The following UBTF variants were observed in gnomAD, a reference collection of about 807,000 sequenced individuals.
The protein encoded by UBTF is nucleolar transcription factor 1.
UBTF carries 8 observed loss-of-function variants against 112.3 expected under a neutral mutation model. That is an observed-to-expected ratio of 0.07 (90% CI 0.04 to 0.13). The LOEUF (loss-of-function observed/expected upper bound fraction) is 0.13, where lower values mean the gene tolerates loss of function less well. Ranked by LOEUF, UBTF falls within the 10% of genes least tolerant of loss-of-function variation. The pLI, the probability that UBTF is intolerant of heterozygous loss-of-function variation, is 1.00. For synonymous variants in UBTF, 417 were observed against 373.1 expected (o/e 1.12, Z -1.36); for missense variants, 457 against 982.1 (o/e 0.47, Z 7.15).
Position 44,218,427 on chromosome 17 carries a change from G to C in UBTF, c.-67-131C>G, listed in dbSNP as rs544541235. 44 of 571,580 alleles carry C rather than the reference G, an allele frequency of 7.7e-5. No homozygotes were observed. In the South Asian group the frequency reaches 8.7e-4, roughly 11 times the overall value. 35.4% of individuals were successfully genotyped at this position (571,580 alleles called of 1,614,324 possible). A position where few individuals can be genotyped will look rare whatever the true frequency, so the allele number is the denominator to read the frequency against. ...TCAGCCATGACCTTATTAGACTTAA[G>C]GGGTCTATGGGAATGGGAGTGCGCC... On this transcript the variant is annotated intron_variant, in intron 1 of 20. Coordinates refer to ENST00000436088, the MANE Select transcript of UBTF (RefSeq NM_014233.4).
chr17:44,218,442 G>T, intron 1 of UBTF, 146 bp from the exon 2 acceptor site: 1 of 544,454 alleles, frequency 1.8e-6, no homozygotes, highest in Non-Finnish European at 3.2e-6. Context: ...CTATGGGAAT[G>T]GGAGTGCGCC....
Position 44,207,143 on chromosome 17 carries a change from A to C in UBTF, c.*99T>G. 11 of 1,238,118 alleles carry C rather than the reference A, an allele frequency of 8.9e-6. No individual in the cohort carries two copies. The highest frequency in any genetic ancestry group is 2.4e-5 in the East Asian group (1 of 41,336). The allele number at this position is 1,238,118 out of a possible 1,614,324, so 76.7% of individuals were successfully genotyped here. On this transcript the variant is annotated 3_prime_UTR_variant, in exon 21 of 21. Coordinates refer to ENST00000436088, the MANE Select transcript of UBTF (RefSeq NM_014233.4). The stretch of plus-strand genomic sequence containing the variant: ...AGAAAGAAAGAAAGTGGGGGAGGCC[A>C]GGGGGGCAAGGGACAGAACATGGGG...
At chr17:44,219,173 CCCGCCGCCCCCT>C (rs2047030166) in intron 1 of UBTF, 1 of 150,878 alleles carries the variant, frequency 6.6e-6, no homozygotes, top group African/African-American at 2.4e-5. Flanking sequence ...GCTCACCGGC[CCCGCCGCCCCCT>C]CCGGCGGCCG....
chr17:44,210,770 G>T, intron 13 of UBTF, 22 bp downstream of exon 13: 1 of 1,554,784 alleles, frequency 6.4e-7, no homozygotes, highest in South Asian at 1.2e-5. Flanking sequence ...TGGGGGCACA[G>T]CGCTCCGCCA....
intron 15 of UBTF, 65 bp from the exon 16 acceptor site, chr17:44,209,798 C>A: frequency 1.9e-6 from 3 of 1,538,528 alleles, no homozygotes; most frequent in Non-Finnish European, 2.7e-6. Context: ...CCTTCTGCCT[C>A]ATGCCATCAG....
chr17:44,220,766 G>T (rs1336068856), upstream of UBTF: 1 of 151,898 alleles, frequency 6.6e-6, no homozygotes, highest in East Asian at 1.9e-4. Flanking sequence ...AGCGCAGGCC[G>T]GGGGCACCTG....
At position 44,207,301 on chromosome 17, in the gene UBTF, C is replaced by T. The variant is rs2056304673; in HGVS notation, c.2236G>A (p.Glu746Lys). 6.2e-6 allele frequency: 10 copies of T among 1,612,914 alleles called. No individual in the cohort carries two copies. The highest frequency in any genetic ancestry group is 7.6e-6 in the Non-Finnish European group (9 of 1,179,622). Residue 746 changes from glutamate to lysine, a missense_variant, in exon 21 of 21, where the codon GAG (glutamate) becomes AAG (lysine). Glu to Lys is a moderately conservative substitution (Grantham distance 56, BLOSUM62 1). Transcript: ENST00000436088. ...DDDEDEDNESEGSSSSSSSSG... is the reference protein window; with the variant it reads ...DDDEDEDNESKGSSSSSSSSG... ...GAGGAGGAGCTGGAGCTGCTGCCCT[C>T]GGACTCATTATCTTCATCCTCATCG...
chr17:44,216,274 G>C, intron 3 of UBTF: 1 of 606,542 alleles, frequency 1.6e-6, no homozygotes, highest in Non-Finnish European at 2.9e-6. Flanking sequence ...ATCTCAGCAT[G>C]CTAGCACCTC....
Position 44,211,150 on chromosome 17 carries a change from G to A in UBTF, c.1092C>T (p.Ser364=). Residue 364 remains serine, a splice_region_variant and synonymous_variant, in exon 12 of 21, where the codon AGC becomes AGT. Transcript: ENST00000436088. This position sits in a 1 kb window ranked among gnomAD's most constrained non-coding sequence, Gnocchi z 4.9. ...YEVELLRFLE[S]LPEEEQQRVL... is the part of the protein sequence containing the mutation. ...CCCGCTGCTGCTCCTCCTCAGGCAG[G>A]CTCTGGACAGGAAAGAGGAGCACGG... 6.2e-7 allele frequency: 1 copy of A among 1,613,030 alleles called. No homozygotes were observed. Among genetic ancestry groups the A allele is most frequent in the Non-Finnish European group, 8.5e-7 (1 of 1,179,948 alleles).
In UBTF at chr17:44,210,425, TCCTCTC is replaced by T. The variant is rs749970302; in HGVS notation, c.1402_1407del (p.Glu468_Arg469del). On this transcript the variant is annotated inframe_deletion, in exon 14 of 21. Transcript: ENST00000436088. ...CGTTCCTCGCGCTCCCCGCCGGGCT[TCCTCTC>T]CGACTGAGCCTTGAGCGCCGCCTCT... The T allele has an allele frequency of 3.1e-6, 5 of 1,613,750 alleles. No individual in the cohort carries two copies. The African/African-American group carries it at 4.0e-5, about 13-fold the overall frequency.
At chr17:44,212,589 G>A (rs1340876022) in intron 7 of UBTF, 135 bp from the exon 8 acceptor site, 1 of 1,031,118 alleles carries the variant, frequency 9.7e-7, no homozygotes, top group Non-Finnish European at 1.4e-6. Context: ...GGCCAGGAGG[G>A]GAAGGCGGAG....
Position 44,207,100 on chromosome 17 carries a change from A to AT in UBTF, c.*141dup, listed in dbSNP as rs374363130. 14,036 of 798,076 alleles carry AT rather than the reference A, an allele frequency of 0.018. No individual in the cohort carries two copies. The highest frequency in any genetic ancestry group is 0.021 in the Non-Finnish European group (11,013 of 529,438). 49.4% of individuals were successfully genotyped at this position (798,076 alleles called of 1,614,324 possible). ...TCCTCCAGCCCCCTACCCCCACCGT[A>AT]TTTTTTTTTTTTTTTAAAGAAAGAA... is the stretch of plus-strand genomic sequence containing the variant. On this transcript the variant is annotated 3_prime_UTR_variant, in exon 21 of 21. Transcript: ENST00000436088.
Position 44,205,382 on chromosome 17 carries a change from T to A in UBTF, c.*1860A>T, listed in dbSNP as rs1485894381. The stretch of plus-strand genomic sequence containing the variant: ...AAAGTGCCCCATTCAAAGTTGTTTT[T>A]AAATGAAAATACATTCCACTGAAAC... On this transcript the variant is annotated 3_prime_UTR_variant, in exon 21 of 21. Transcript: ENST00000436088. 2.6e-5 allele frequency: 4 copies of A among 152,638 alleles called. No homozygotes were observed. The highest frequency in any genetic ancestry group is 5.9e-5 in the Non-Finnish European group (4 of 68,048). The allele number at this position is 152,638 out of a possible 1,614,324, so 9.5% of individuals were successfully genotyped here. A position where few individuals can be genotyped will look rare whatever the true frequency, so the allele number is the denominator to read the frequency against.
At position 44,206,537 on chromosome 17, in the gene UBTF, A is replaced by C. The variant is rs571411225; in HGVS notation, c.*705T>G. Reference sequence around the variant, plus strand: ...TCAAGACCATTTTTAAAAGGTTCCAAATCTACCCCTAAACCCTCCCTCTCC... The same window carrying C: ...TCAAGACCATTTTTAAAAGGTTCCACATCTACCCCTAAACCCTCCCTCTCC... On this transcript the variant is annotated 3_prime_UTR_variant, in exon 21 of 21. Transcript: ENST00000436088. The C allele has an allele frequency of 1.3e-5, 2 of 150,258 alleles. No individual in the cohort carries two copies. Among genetic ancestry groups the C allele is most frequent in the African/African-American group, 2.5e-5 (1 of 40,348 alleles). The allele number at this position is 150,258 out of a possible 1,614,324, so 9.3% of individuals were successfully genotyped here.
rs1261716700 is a variant in UBTF at position 44,211,524 on chromosome 17, C to T, written c.1047+82G>A. ...GGAGGCAGGTACCCAAGGCACACGC[C>T]ACCAGGGACTGACTGGCCCAAGATG... On this transcript the variant is annotated intron_variant, in intron 10 of 20. Transcript: ENST00000436088. The surrounding 1 kb of genome is among the most constrained non-coding windows in gnomAD (Gnocchi z 4.9). The T allele has an allele frequency of 1.9e-6, 3 of 1,567,644 alleles. No individual in the cohort carries two copies. The highest frequency in any genetic ancestry group is 2.7e-5 in the African/African-American group (2 of 74,234).
chr17:44,210,573 G>C (rs2056596074), intron 13 of UBTF, 100 bp from the exon 14 acceptor site: 2 of 1,439,200 alleles, frequency 1.4e-6, no homozygotes, highest in South Asian at 2.9e-5. Context: ...CAGAAGCATG[G>C]GCTGGTGCAG....
chr17:44,210,479 G>A lies in UBTF; in HGVS notation c.1360-6C>T, dbSNP rs2056583935. ...TCTCGGGCCTTGTACTTGGCCTGCGGGGATGGCCCGGGCGTCAGCCTTCCA... is the reference window on the plus strand; with the variant it reads ...TCTCGGGCCTTGTACTTGGCCTGCGAGGATGGCCCGGGCGTCAGCCTTCCA... On this transcript the variant is annotated splice_region_variant and splice_polypyrimidine_tract_variant and intron_variant, in intron 13 of 20. Transcript: ENST00000436088. The A allele has an allele frequency of 1.3e-6, 2 of 1,596,092 alleles. No homozygotes were observed. The highest frequency in any genetic ancestry group is 1.8e-4 in the Middle Eastern group (1 of 5,542).
At chr17:44,218,619 T>G in intron 1 of UBTF, 1 of 94,526 alleles carries the variant, frequency 1.1e-5, no homozygotes. Context: ...AGAAAAAATC[T>G]CCTCCTCCTC....
rs775787107 is a variant in UBTF, at chr17:44,207,591, C to T, written c.2032G>A (p.Glu678Lys). ...RTTLQSKSES[E>K]EDDEEDEDDE... ...TCCTCATCCTCTTCATCATCCTCCTCGGACTCCTTGGAGGGATGGAGGCAC... is the reference window on the plus strand; with the variant it reads ...TCCTCATCCTCTTCATCATCCTCCTTGGACTCCTTGGAGGGATGGAGGCAC... Residue 678 changes from glutamate (E) to lysine (K), a missense_variant, in exon 20 of 21, where the codon GAG becomes AAG. Transcript: ENST00000436088. 3 of 1,614,142 alleles carry T rather than the reference C, an allele frequency of 1.9e-6. No individual in the cohort carries two copies. The highest frequency in any genetic ancestry group is 1.6e-4 in the Middle Eastern group (1 of 6,062).
Sources: allele counts gnomAD v4.1 joint callset, GRCh38; gene constraint gnomAD v4.1.1; non-coding constraint Gnocchi (gnomAD v3.1); transcripts MANE v1.5; gene names NCBI Gene and HGNC (gene_info 2026-07-23, HGNC 2026-07-21).